ADD3: variants seen among roughly 807,000 people sequenced by gnomAD.
ADD3 encodes gamma-adducin.
In ADD3, 25 loss-of-function variants were observed where a neutral mutation model predicts 80.2. That is an observed-to-expected ratio of 0.31 (90% CI 0.23 to 0.44). The LOEUF is 0.44. ADD3 is among the 20% of genes least tolerant of loss of function. ADD3 has a pLI of 1.00. For synonymous variants in ADD3, 284 were observed against 289.6 expected (o/e 0.98, Z 0.20); for missense variants, 829 against 847.5 (o/e 0.98, Z 0.27).
intron 2 of ADD3, among the ~76,000 whole-genome samples, chr10:110,110,447 G>A (rs375177679): frequency 1.3e-5 from 2 of 152,266 alleles, no homozygotes; most frequent in South Asian, 2.1e-4. Context: ...GTTCACTGTT[G>A]ACTCAGATGT....
chr10:110,125,430 G>GTT (rs10571033), intron 10 of ADD3, among the ~76,000 whole-genome samples: 12 of 145,450 alleles, frequency 8.3e-5, no homozygotes, highest in Non-Finnish European at 1.7e-4. Context: ...TATTTCTTAA[G>GTT]TTTTTTTTTT....
chr10:110,028,421 G>T (rs1031460962), intron 1 of ADD3, among the ~76,000 whole-genome samples: 4 of 152,106 alleles, frequency 2.6e-5, no homozygotes, highest in African/African-American at 9.7e-5. Flanking sequence ...AAAATTAGCT[G>T]GGCGTGGTGG....
chr10:110,075,820 A>G (rs1372450357), intron 1 of ADD3: 3 of 152,196 alleles, frequency 2.0e-5, no homozygotes, highest in African/African-American at 4.8e-5. Flanking sequence ...CTGTTAGACT[A>G]TGAGAAGAGT....
rs1414646625 is a variant in ADD3, at chr10:110,124,345, A to G, written c.1401+71A>G. ...TAGTTACTCAAGAATTGAATGTTCT[A>G]TATTGAAAATATTTGGAAAGTAAAA... On this transcript the variant is annotated intron_variant, in intron 10 of 14. Transcript: ENST00000356080. The G allele has an allele frequency of 1.3e-6, 2 of 1,491,584 alleles. 1 individual carries two copies. Among genetic ancestry groups the G allele is most frequent in the Non-Finnish European group, 1.8e-6 (2 of 1,098,642 alleles). The allele number at this position is 1,491,584 out of a possible 1,614,324, so 92.4% of individuals were successfully genotyped here. A position where few individuals can be genotyped will look rare whatever the true frequency, so the allele number is the denominator to read the frequency against.
At chr10:110,066,697 AT>A (rs571209956) in intron 1 of ADD3, among the ~76,000 whole-genome samples, 55 of 152,256 alleles carry the variant, frequency 3.6e-4, no homozygotes, top group African/African-American at 1.3e-3. Flanking sequence ...TTCGATAAGC[AT>A]AGCCCACAAT....
chr10:110,055,058 G>A (rs1391639589), intron 1 of ADD3, among the ~76,000 whole-genome samples: 1 of 152,166 alleles, frequency 6.6e-6, no homozygotes, highest in Non-Finnish European at 1.5e-5. Context: ...ACCGCACCCA[G>A]CAGTTTTCTC....
rs1269668222 is a variant in ADD3 at position 110,065,542 on chromosome 10, T to TTTTTTTTTTTTC, written c.-29-35072_-29-35071insCTTTTTTTTTTT. Among the ~76,000 whole-genome samples the TTTTTTTTTTTTC allele has an allele frequency of 7.6e-5, 6 of 78,698 alleles. 1 individual carries two copies. The highest frequency in any genetic ancestry group is 2.8e-4 in the African/African-American group (6 of 21,728). The allele number at this position is 78,698 out of a possible 152,430, so 51.6% of individuals were successfully genotyped here. On this transcript the variant is annotated intron_variant, in intron 1 of 14. Coordinates refer to ENST00000356080, the MANE Select transcript of ADD3 (RefSeq NM_016824.5). Reference sequence around the variant, plus strand: ...TTTCTTAGCCTCTCTCTCTCCCCTTTTTTTTTTTTTTTTTTGAGAAAGAAT... The same window carrying TTTTTTTTTTTTC: ...TTTCTTAGCCTCTCTCTCTCCCCTTTTTTTTTTTTTTCTTTTTTTTTTTTTTTGAGAAAGAAT...
Position 110,130,466 on chromosome 10 carries a change from G to T in ADD3, c.1712G>T (p.Arg571Leu). 1 of 1,613,776 alleles carries T rather than the reference G, an allele frequency of 6.2e-7. No homozygotes were observed. The highest frequency in any genetic ancestry group is 8.5e-7 in the Non-Finnish European group (1 of 1,179,812). ...ELEEYKRTIE[R>L]KQQGLEDAEQ... ...GAAGAGTATAAGAGGACAATCGAAC[G>T]TAAACAACAAGGCCTAGAAGGTTAG... Residue 571 changes from arginine (R) to leucine (L), a missense_variant, in exon 13 of 15, where the codon CGT becomes CTT. Coordinates refer to ENST00000356080, the MANE Select transcript of ADD3 (RefSeq NM_016824.5).
At chr10:110,049,760 G>A (rs1316732629) in intron 1 of ADD3, among the ~76,000 whole-genome samples, 15 of 152,016 alleles carry the variant, frequency 9.9e-5, no homozygotes, top group East Asian at 1.9e-4. Flanking sequence ...TGTGGCAGGC[G>A]CCTGTAGTCC....
chr10:110,098,428 G>A (rs1193139942), intron 1 of ADD3, among the ~76,000 whole-genome samples: 1 of 152,130 alleles, frequency 6.6e-6, no homozygotes, highest in Non-Finnish European at 1.5e-5. Context: ...ACAGCCCTTT[G>A]TAATATCCTC....
chr10:110,009,296 CG>C (rs1353432452), intron 1 of ADD3, among the ~76,000 whole-genome samples: 1 of 152,040 alleles, frequency 6.6e-6, no homozygotes, highest in Non-Finnish European at 1.5e-5. Context: ...TGCAAGTTTA[CG>C]TTAAATTATG....
intron 1 of ADD3, among the ~76,000 whole-genome samples, chr10:110,054,121 G>A (rs1463943245): frequency 6.6e-6 from 1 of 152,178 alleles, no homozygotes; most frequent in African/African-American, 2.4e-5. Context: ...TTAAAAGTAT[G>A]AACAATAAAG....
At chr10:110,101,156 C>T (rs1406013285) in intron 2 of ADD3, among the ~76,000 whole-genome samples, 1 of 152,176 alleles carries the variant, frequency 6.6e-6, no homozygotes, top group Non-Finnish European at 1.5e-5. Flanking sequence ...TGACTCAAGT[C>T]ATAGGAACCA....
intron 1 of ADD3, among the ~76,000 whole-genome samples, chr10:110,065,543 T>TTTTTTTTTTTTTTTTTTTTTTTTC (rs1564917340): frequency 1.2e-5 from 1 of 81,724 alleles, no homozygotes; most frequent in Non-Finnish European, 2.6e-5. Flanking sequence ...TCTCCCCTTT[T>TTTTTTTTTTTTTTTTTTTTTTTTC]TTTTTTTTTT....
intron 1 of ADD3, among the ~76,000 whole-genome samples, chr10:110,062,363 C>T (rs1262939443): frequency 2.7e-5 from 4 of 148,248 alleles, no homozygotes; most frequent in Non-Finnish European, 5.9e-5. Flanking sequence ...CATTGCATGC[C>T]AATGCAGGCC....
At chr10:110,036,003 G>A (rs922501592) in intron 1 of ADD3, among the ~76,000 whole-genome samples, 4 of 151,870 alleles carry the variant, frequency 2.6e-5, no homozygotes, top group East Asian at 3.9e-4. Context: ...TACAAAAAAT[G>A]AGCCAGGTGT....
intron 2 of ADD3, chr10:110,112,277 C>G (rs1342127097): frequency 6.5e-6 from 1 of 152,736 alleles, no homozygotes; most frequent in Non-Finnish European, 1.5e-5. Flanking sequence ...TGCACCACCA[C>G]GCTGGGCTAA....
intron 1 of ADD3, chr10:110,079,182 A>C (rs1426316004): frequency 6.6e-6 from 1 of 152,150 alleles, no homozygotes; most frequent in Non-Finnish European, 1.5e-5. Flanking sequence ...TGTCATGTAC[A>C]TTAGATATAG....
intron 1 of ADD3, among the ~76,000 whole-genome samples, chr10:110,093,604 A>G (rs553557233): frequency 1.8e-4 from 27 of 152,278 alleles, no homozygotes; most frequent in African/African-American, 5.8e-4. Flanking sequence ...TTTCAGATGG[A>G]CTTGAGTCAA....
Sources: gnomAD v4.1 joint callset for allele counts (sites outside exome capture counted in the v4.1 genomes callset) on GRCh38, gnomAD v4.1.1 for gene constraint, MANE v1.5 for transcripts, NCBI Gene and HGNC (gene_info 2026-07-23, HGNC 2026-07-21) for gene names.